BCAS3: variants seen among roughly 807,000 people sequenced by gnomAD.
BCAS3 encodes the protein BCAS3 microtubule associated cell migration factor.
In BCAS3, 53 loss-of-function variants were observed where a neutral mutation model predicts 116.1. The observed-to-expected ratio is 0.46, with a 90% CI of 0.37 to 0.57. The LOEUF is 0.57. BCAS3 is among the 20% of genes least tolerant of loss of function. The pLI is 0.00. For missense variants in BCAS3, 917 were observed against 1,165.4 expected (o/e 0.79, Z 3.10); for synonymous variants, 391 against 408.2 (o/e 0.96, Z 0.51).
chr17:60,735,951 T>A lies in BCAS3; in HGVS notation c.322-11247T>A, dbSNP rs552400947. 1.2e-4 allele frequency among the ~76,000 whole-genome samples: 19 copies of A among 152,304 alleles called. No individual in the cohort carries two copies. In the South Asian group the frequency reaches 3.9e-3, roughly 32 times the overall value. On this transcript the variant is annotated intron_variant, in intron 5 of 23. Transcript: ENST00000407086. ...TATGTTAAGTGAGCCATTAAGTGAG[T>A]GTAAGTGAGCTATTACATTAAGTGA... is the stretch of plus-strand genomic sequence containing the variant.
chr17:61,250,583 A>G lies in BCAS3; in HGVS notation c.2426-117744A>G, dbSNP rs147825282. 6.0e-4 allele frequency among the ~76,000 whole-genome samples: 92 copies of G among 152,346 alleles called. 1 individual carries two copies. In the East Asian group the frequency reaches 9.6e-3, roughly 16 times the overall value. On this transcript the variant is annotated intron_variant, in intron 22 of 23. Transcript: ENST00000407086. ...AAACATTTGAGTTAATGTTTGAGATAAGGAAGATGATTATCTCTAAAAAGA... is the reference window on the plus strand; with the variant it reads ...AAACATTTGAGTTAATGTTTGAGATGAGGAAGATGATTATCTCTAAAAAGA...
In BCAS3 at chr17:61,169,132, C is replaced by G. The variant is rs372510588; in HGVS notation, c.2425+84568C>G. Among the ~76,000 whole-genome samples, 5 of 152,278 alleles carry G rather than the reference C, an allele frequency of 3.3e-5. No homozygotes were observed. In the South Asian group the frequency reaches 1.0e-3, roughly 32 times the overall value. On this transcript the variant is annotated intron_variant, in intron 22 of 23. Transcript: ENST00000407086. ...TATATTTCATATTATTAAGGTCTCACCATTAAGAAAGATGTTTTCTCAACA... is the reference window on the plus strand; with the variant it reads ...TATATTTCATATTATTAAGGTCTCAGCATTAAGAAAGATGTTTTCTCAACA...
chr17:61,388,877 C>T lies in BCAS3; in HGVS notation c.2594-3100C>T. The T allele has an allele frequency of 1.6e-6, 1 of 644,962 alleles. No individual in the cohort carries two copies. The highest frequency in any genetic ancestry group is 2.6e-6 in the Non-Finnish European group (1 of 385,820). 40.0% of individuals were successfully genotyped at this position (644,962 alleles called of 1,614,324 possible). On this transcript the variant is annotated intron_variant, in intron 23 of 23. Coordinates refer to ENST00000407086, the MANE Select transcript of BCAS3 (RefSeq NM_017679.5). This position sits in a 1 kb window ranked among gnomAD's most constrained non-coding sequence, Gnocchi z 6.5. ...GAGGAGGCGTGGAGAAAAGCGCCCACAAAGCTGCCCCGGGGCCAGCAGGCC... is the reference window on the plus strand; with the variant it reads ...GAGGAGGCGTGGAGAAAAGCGCCCATAAAGCTGCCCCGGGGCCAGCAGGCC...
rs984529382 is a variant in BCAS3 at position 61,244,118 on chromosome 17, T to A, written c.2426-124209T>A. ...AAGAATAATATGTCAAATTAAAGCA[T>A]TTTTAAACCTCTTTTTTTAACTCAA... On this transcript the variant is annotated intron_variant, in intron 22 of 23. Coordinates refer to ENST00000407086, the MANE Select transcript of BCAS3 (RefSeq NM_017679.5). This position sits in a 1 kb window ranked among gnomAD's most constrained non-coding sequence, Gnocchi z 4.9. Among the ~76,000 whole-genome samples, 2 of 152,222 alleles carry A rather than the reference T, an allele frequency of 1.3e-5. No individual in the cohort carries two copies. Among genetic ancestry groups the A allele is most frequent in the Non-Finnish European group, 2.9e-5 (2 of 68,050 alleles).
Position 60,910,688 on chromosome 17 carries a change from G to A in BCAS3, c.979G>A (p.Val327Ile), listed in dbSNP as rs530176480. The change falls in exon 12 of 24, where the codon GTT (valine) becomes ATT (isoleucine). Residue 327 changes from valine (V) to isoleucine (I), a missense_variant. This residue lies in a region of BCAS3 where 807 missense variants were observed against 1,026.0 expected (regional missense o/e 0.79). Transcript: ENST00000407086. ...CATCACAGTTATTGACACCGAAACC[G>A]TTGGAGAGGGCCAGGTAAGAAGAAC... ...GIITVIDTETVGEGQVLVSED... is the reference protein window; with the variant it reads ...GIITVIDTETIGEGQVLVSED... 30 of 1,605,982 alleles carry A rather than the reference G, an allele frequency of 1.9e-5. No individual in the cohort carries two copies. The Admixed American group carries it at 2.0e-4, about 11-fold the overall frequency.
intron 22 of BCAS3, among the ~76,000 whole-genome samples, chr17:61,148,463 C>G (rs1477347546): frequency 6.6e-6 from 1 of 152,152 alleles, no homozygotes; most frequent in Non-Finnish European, 1.5e-5. Flanking sequence ...AGCAAATTAC[C>G]TACATTTAAG....
chr17:60,696,272 G>C (rs2035581312), intron 4 of BCAS3: 1 of 152,274 alleles, frequency 6.6e-6, no homozygotes. Context: ...GAGTTACAGA[G>C]TAGAAAGTGT....
chr17:61,380,233 AC>A lies in BCAS3; in HGVS notation c.2594-11740del. On this transcript the variant is annotated intron_variant, in intron 23 of 23. Coordinates refer to ENST00000407086, the MANE Select transcript of BCAS3 (RefSeq NM_017679.5). The surrounding 1 kb of genome is among the most constrained non-coding windows in gnomAD (Gnocchi z 4.2). Reference sequence around the variant, plus strand: ...CGGCTTTCTCTCTACATCATTCCCTACCCCAGCCCTGTGCAGCAGGCAGGAG... The same window carrying A: ...CGGCTTTCTCTCTACATCATTCCCTACCCAGCCCTGTGCAGCAGGCAGGAG... 1 of 444,072 alleles carries A rather than the reference AC, an allele frequency of 2.3e-6. No homozygotes were observed. The highest frequency in any genetic ancestry group is 4.1e-6 in the Non-Finnish European group (1 of 246,052). The allele number at this position is 444,072 out of a possible 1,614,324, so 27.5% of individuals were successfully genotyped here.
chr17:60,882,745 T>C (rs919708365), intron 9 of BCAS3, among the ~76,000 whole-genome samples: 3 of 147,760 alleles, frequency 2.0e-5, no homozygotes, highest in Admixed American at 2.0e-4. Flanking sequence ...AAAGATCAGA[T>C]AGTTGTAGGT....
rs539017663 is a variant in BCAS3 at position 60,799,808 on chromosome 17, G to A, written c.404-8196G>A. Among the ~76,000 whole-genome samples, 34 of 143,648 alleles carry A rather than the reference G, an allele frequency of 2.4e-4. No individual in the cohort carries two copies. In the South Asian group the frequency reaches 6.7e-3, roughly 28 times the overall value. 94.2% of individuals were successfully genotyped at this position (143,648 alleles called of 152,430 possible). A position where few individuals can be genotyped will look rare whatever the true frequency, so the allele number is the denominator to read the frequency against. On this transcript the variant is annotated intron_variant, in intron 6 of 23. Coordinates refer to ENST00000407086, the MANE Select transcript of BCAS3 (RefSeq NM_017679.5). Reference sequence around the variant, plus strand: ...TGACCTCAAATGATCTGCCTGCCTCGGCCTCCCAAAGTGCTGGGATTATAG... The same window carrying A: ...TGACCTCAAATGATCTGCCTGCCTCAGCCTCCCAAAGTGCTGGGATTATAG...
Position 61,219,291 on chromosome 17 carries a change from C to A in BCAS3, c.2425+134727C>A, listed in dbSNP as rs1293054198. On this transcript the variant is annotated intron_variant, in intron 22 of 23. Transcript: ENST00000407086. This position sits in a 1 kb window ranked among gnomAD's most constrained non-coding sequence, Gnocchi z 5.2. ...TGTCTCAGTGGTACCCAGCGATACC[C>A]TGGAGAGGAACATTCCAGTGATTCC... 1.3e-5 allele frequency among the ~76,000 whole-genome samples: 2 copies of A among 152,150 alleles called. No individual in the cohort carries two copies. Among genetic ancestry groups the A allele is most frequent in the Non-Finnish European group, 2.9e-5 (2 of 68,016 alleles).
At chr17:60,802,103 T>A (rs905842288) in intron 6 of BCAS3, among the ~76,000 whole-genome samples, 1 of 151,176 alleles carries the variant, frequency 6.6e-6, no homozygotes, top group African/African-American at 2.4e-5. Flanking sequence ...AGGTCAGGAG[T>A]TTGAGACCAG....
rs898097843 is a variant in BCAS3 at position 61,077,516 on chromosome 17, C to CA, written c.2131-807dup. ...TGGGCAACAGAGCGAGACTCCGTCT[C>CA]AAAAAAAAAATGAAATAAAATAAAT... On this transcript the variant is annotated intron_variant, in intron 20 of 23. Transcript: ENST00000407086. This position sits in a 1 kb window ranked among gnomAD's most constrained non-coding sequence, Gnocchi z 4.3. 1.4e-4 allele frequency among the ~76,000 whole-genome samples: 20 copies of CA among 146,142 alleles called. No homozygotes were observed. The highest frequency in any genetic ancestry group is 2.7e-4 in the Admixed American group (4 of 14,628).
chr17:61,083,784 C>T lies in BCAS3; in HGVS notation c.2328-683C>T, dbSNP rs1345730649. 2.0e-5 allele frequency among the ~76,000 whole-genome samples: 3 copies of T among 151,662 alleles called. No homozygotes were observed. The highest frequency in any genetic ancestry group is 1.9e-4 in the East Asian group (1 of 5,166). The stretch of plus-strand genomic sequence containing the variant: ...CTAATTTTTGCATTTTTAGTAGAGA[C>T]GGGGCTTCACCGTGTTAGCCAGGAT... On this transcript the variant is annotated intron_variant, in intron 21 of 23. Coordinates refer to ENST00000407086, the MANE Select transcript of BCAS3 (RefSeq NM_017679.5). This position sits in a 1 kb window ranked among gnomAD's most constrained non-coding sequence, Gnocchi z 4.9.
Position 61,105,587 on chromosome 17 carries a change from G to C in BCAS3, c.2425+21023G>C, listed in dbSNP as rs1334797588. Among the ~76,000 whole-genome samples, 3 of 152,106 alleles carry C rather than the reference G, an allele frequency of 2.0e-5. No homozygotes were observed. The highest frequency in any genetic ancestry group is 4.4e-5 in the Non-Finnish European group (3 of 68,020). On this transcript the variant is annotated intron_variant, in intron 22 of 23. Transcript: ENST00000407086. This position sits in a 1 kb window ranked among gnomAD's most constrained non-coding sequence, Gnocchi z 4.3. ...TTACAGGCATGTGCCACCACGCCCA[G>C]CTAATTTTGTATTTTTTTTAGTATA...
chr17:60,878,244 A>G (rs917780982), intron 9 of BCAS3, among the ~76,000 whole-genome samples: 9 of 152,168 alleles, frequency 5.9e-5, no homozygotes, highest in African/African-American at 2.2e-4. Context: ...TCCTGAGCTC[A>G]GGTGATCTGC....
At chr17:60,761,977 C>T (rs890879055) in intron 6 of BCAS3, among the ~76,000 whole-genome samples, 5 of 151,972 alleles carry the variant, frequency 3.3e-5, no homozygotes, top group African/African-American at 7.3e-5. Flanking sequence ...CATTTTTTCA[C>T]GTGTCTGTTG....
intron 10 of BCAS3, among the ~76,000 whole-genome samples, chr17:60,890,149 G>T (rs1033374857): frequency 6.6e-6 from 1 of 152,150 alleles, no homozygotes; most frequent in East Asian, 1.9e-4. Flanking sequence ...AGAAACCTGG[G>T]CATAGAATAA....
intron 15 of BCAS3, among the ~76,000 whole-genome samples, chr17:61,014,827 T>C (rs957982159): frequency 6.6e-6 from 1 of 152,172 alleles, no homozygotes; most frequent in South Asian, 2.1e-4. Flanking sequence ...TACCTGTATT[T>C]CTATACATTA....
Sources: gnomAD v4.1 joint callset for allele counts (sites outside exome capture counted in the v4.1 genomes callset) on GRCh38, gnomAD v4.1.1 for gene constraint, gnomAD v4.1.1 regional missense constraint, Gnocchi (gnomAD v3.1) non-coding constraint, MANE v1.5 for transcripts, NCBI Gene and HGNC (gene_info 2026-07-23, HGNC 2026-07-21) for gene names.